The following TEAD1 variants were observed in gnomAD, a reference collection of about 807,000 sequenced individuals.
TEAD1 encodes transcriptional enhancer factor TEF-1.
Under a neutral mutation model 54.9 loss-of-function variants are expected in TEAD1, and 9 were observed. The ratio of observed to expected loss-of-function variants is 0.16; its 90% CI spans 0.10 to 0.29. The LOEUF is 0.29. Ranked by LOEUF, TEAD1 falls within the 10% of genes least tolerant of loss-of-function variation. TEAD1 has a pLI of 1.00. For synonymous variants in TEAD1, 200 were observed against 187.8 expected (o/e 1.07, Z -0.53); for missense variants, 387 against 535.9 (o/e 0.72, Z 2.74).
chr11:12,925,190 T>G, intron 11 of TEAD1, 138 bp downstream of exon 11: 1 of 983,026 alleles, frequency 1.0e-6, no homozygotes, highest in East Asian at 2.6e-5. Flanking sequence ...CACACTGCTA[T>G]GAAGAACTAC....
At chr11:12,734,630 T>G (rs111381030) in intron 2 of TEAD1, among the ~76,000 whole-genome samples, 1 of 152,354 alleles carries the variant, frequency 6.6e-6, no homozygotes, top group Non-Finnish European at 1.5e-5. Flanking sequence ...CTGTACCTTT[T>G]CTATGTGTAG....
chr11:12,790,251 A>G (rs547297446), intron 3 of TEAD1, among the ~76,000 whole-genome samples: 1 of 152,230 alleles, frequency 6.6e-6, no homozygotes, highest in Non-Finnish European at 1.5e-5. Flanking sequence ...GTTTTCTCCC[A>G]GCCTGATGGG....
At chr11:12,710,021 TA>T (rs10716753) in intron 2 of TEAD1, among the ~76,000 whole-genome samples, 103,884 of 149,170 alleles carry the variant, frequency 0.7, 37,168 homozygotes, top group Middle Eastern at 0.86. Context: ...ACCAAATTGT[TA>T]AAAAAAAAAA....
At chr11:12,710,343 G>A (rs973705901) in intron 2 of TEAD1, among the ~76,000 whole-genome samples, 15 of 151,996 alleles carry the variant, frequency 9.9e-5, no homozygotes, top group African/African-American at 2.4e-4. Context: ...AAAAACCCAC[G>A]AATTGTATAT....
chr11:12,897,003 CTT>C (rs376459580), intron 9 of TEAD1, among the ~76,000 whole-genome samples: 108 of 152,246 alleles, frequency 7.1e-4, no homozygotes, highest in African/African-American at 2.1e-3. Context: ...CTAGGGGACT[CTT>C]TTGGAGAAGT....
chr11:12,920,363 GATT>G (rs1948781958), intron 10 of TEAD1, among the ~76,000 whole-genome samples: 1 of 152,098 alleles, frequency 6.6e-6, no homozygotes. Flanking sequence ...TATATTGACA[GATT>G]ATTTTTTCTG....
At chr11:12,753,954 A>G (rs367605103) in intron 2 of TEAD1, among the ~76,000 whole-genome samples, 1 of 152,144 alleles carries the variant, frequency 6.6e-6, no homozygotes, top group Non-Finnish European at 1.5e-5. Context: ...TCGTATGGCT[A>G]TCAATCAACC....
At chr11:12,681,685 C>T (rs894437035) in intron 2 of TEAD1, among the ~76,000 whole-genome samples, 1 of 152,222 alleles carries the variant, frequency 6.6e-6, no homozygotes, top group Admixed American at 6.5e-5. Flanking sequence ...CCCATGTGAC[C>T]CTCATTCACC....
chr11:12,775,175 G>C (rs1315567205), intron 3 of TEAD1, among the ~76,000 whole-genome samples: 3 of 152,312 alleles, frequency 2.0e-5, no homozygotes, highest in African/African-American at 7.2e-5. Flanking sequence ...GTGTGGTTAA[G>C]GGAGAAATTG....
intron 3 of TEAD1, among the ~76,000 whole-genome samples, chr11:12,788,848 G>C (rs1224093102): frequency 1.3e-5 from 2 of 152,230 alleles, no homozygotes; most frequent in African/African-American, 4.8e-5. Context: ...TTTTAGACTA[G>C]AGATTTTAGC....
At chr11:12,760,361 C>T (rs12806471) in intron 2 of TEAD1, among the ~76,000 whole-genome samples, 1 of 152,160 alleles carries the variant, frequency 6.6e-6, no homozygotes, top group Admixed American at 6.5e-5. Flanking sequence ...ACCTGAGCTT[C>T]TGAGAGAGTT....
At chr11:12,854,944 C>T (rs4757062) in intron 3 of TEAD1, among the ~76,000 whole-genome samples, 90,795 of 151,216 alleles carry the variant, frequency 0.6, 29,152 homozygotes, top group East Asian at 0.76. Flanking sequence ...TTCTTGTGTT[C>T]CATCCACACA....
At position 12,895,884 on chromosome 11, in the gene TEAD1, C is replaced by T. The variant is rs191410048; in HGVS notation, c.700-6056C>T. On this transcript the variant is annotated intron_variant, in intron 9 of 12. Coordinates refer to ENST00000527636, the MANE Select transcript of TEAD1 (RefSeq NM_021961.6). ...ATTAATTTTAGGCATCATCTGTTGA[C>T]TTCTTAACATAGAAGACTACGATTT... Among the ~76,000 whole-genome samples the T allele has an allele frequency of 4.7e-3, 711 of 152,200 alleles. 9 individuals are homozygous for T. The highest frequency in any genetic ancestry group is 0.016 in the African/African-American group (678 of 41,508).
In TEAD1 at chr11:12,694,974, A is replaced by G. The variant is rs1943549406; in HGVS notation, c.-55+19413A>G. ...ACCTTTTAAATTGAGCTTGTTTCCAATTCATAGCTGGCAATAGCTCAGAAA... is the reference window on the plus strand; with the variant it reads ...ACCTTTTAAATTGAGCTTGTTTCCAGTTCATAGCTGGCAATAGCTCAGAAA... On this transcript the variant is annotated intron_variant, in intron 2 of 12. Transcript: ENST00000527636. Among the ~76,000 whole-genome samples the G allele has an allele frequency of 2.0e-5, 3 of 152,340 alleles. No individual in the cohort carries two copies. The South Asian group carries it at 6.2e-4, about 32-fold the overall frequency.
chr11:12,858,996 C>T (rs1947446289), intron 3 of TEAD1, among the ~76,000 whole-genome samples: 1 of 152,132 alleles, frequency 6.6e-6, no homozygotes, highest in African/African-American at 2.4e-5. Context: ...TAAACATAAT[C>T]TAAACATAGA....
chr11:12,873,702 T>C (rs924152797), intron 5 of TEAD1, among the ~76,000 whole-genome samples: 1 of 152,150 alleles, frequency 6.6e-6, no homozygotes, highest in Non-Finnish European at 1.5e-5. Flanking sequence ...AAATTAGAGA[T>C]CATAGCTAGA....
chr11:12,863,802 C>G (rs1947555929), intron 4 of TEAD1, among the ~76,000 whole-genome samples: 1 of 152,132 alleles, frequency 6.6e-6, no homozygotes, highest in African/African-American at 2.4e-5. Context: ...GAAAGAGATG[C>G]AGATTTCAGT....
At chr11:12,677,422 T>G (rs1479712986) in intron 2 of TEAD1, among the ~76,000 whole-genome samples, 1 of 152,122 alleles carries the variant, frequency 6.6e-6, no homozygotes, top group African/African-American at 2.4e-5. Context: ...CTCCCCCCAC[T>G]TACTTTATAC....
intron 3 of TEAD1, among the ~76,000 whole-genome samples, chr11:12,817,002 C>T (rs369794026): frequency 2.0e-5 from 3 of 152,080 alleles, no homozygotes; most frequent in Non-Finnish European, 1.5e-5. Flanking sequence ...AAAGCCGAGG[C>T]GAGGTTTATG....
Sources: allele counts gnomAD v4.1 joint callset (sites outside exome capture counted in the v4.1 genomes callset), GRCh38; gene constraint gnomAD v4.1.1; transcripts MANE v1.5; gene names NCBI Gene and HGNC (gene_info 2026-07-23, HGNC 2026-07-21).